Variants in CDK6 observed in about 807,000 individuals in gnomAD.
CDK6 encodes the protein cyclin dependent kinase 6, also known as cyclin-dependent kinase 6.
In CDK6, 6 loss-of-function variants were observed where a neutral mutation model predicts 37.1. The ratio of observed to expected loss-of-function variants is 0.16; its 90% confidence interval spans 0.09 to 0.32. The LOEUF (loss-of-function observed/expected upper bound fraction) is 0.32, where lower values mean the gene tolerates loss of function less well. Among genes scored for constraint, CDK6 ranks in the 10% least tolerant of loss-of-function variants. CDK6 has a pLI of 1.00. For missense variants in CDK6, 224 were observed against 418.9 expected, an observed-to-expected ratio of 0.53 and a Z score of 4.06; for synonymous variants, 160 against 161.3, an observed-to-expected ratio of 0.99 and a Z score of 0.06.
intron 3 of CDK6, among the ~76,000 whole-genome samples, chr7:92,732,874 C>A (rs1031765182): frequency 6.6e-6 from 1 of 152,218 alleles, no homozygotes; most frequent in Admixed American, 6.5e-5. Context: ...GAAACATCAT[C>A]TGTACACATA....
intron 2 of CDK6, 114 bp downstream of exon 2, chr7:92,832,977 A>G: frequency 1.4e-6 from 1 of 711,602 alleles, no homozygotes; most frequent in Non-Finnish European, 2.3e-6. Context: ...CAGGTCGCGC[A>G]GGACCTCCCC....
At chr7:92,664,752 C>T (rs745648744) in intron 5 of CDK6, among the ~76,000 whole-genome samples, 3 of 151,636 alleles carry the variant, frequency 2.0e-5, no homozygotes, top group African/African-American at 7.3e-5. Context: ...CCACAATCTT[C>T]GTATTCAAAG....
rs190217141 is a variant in CDK6, at chr7:92,664,128, G to A, written c.647+7298C>T. ...TGCACTCCAGCCTGGGTGACAGAGC[G>A]AGACTCTGCCTCAAAAAAATAAAAT... On this transcript the variant is annotated intron_variant, in intron 5 of 7. Coordinates refer to ENST00000424848, the MANE Select transcript of CDK6 (RefSeq NM_001145306.2). Among the ~76,000 whole-genome samples the A allele has an allele frequency of 1.1e-4, 17 of 151,736 alleles. No individual in the cohort carries two copies. In the South Asian group the frequency reaches 3.5e-3, roughly 32 times the overall value.
At chr7:92,683,928 A>T (rs1366563351) in intron 4 of CDK6, among the ~76,000 whole-genome samples, 1 of 152,236 alleles carries the variant, frequency 6.6e-6, no homozygotes, top group Non-Finnish European at 1.5e-5. Context: ...GAACTGTTAA[A>T]TACCAGAATG....
At chr7:92,672,160 T>TACAC (rs1554401677) in intron 4 of CDK6, among the ~76,000 whole-genome samples, 7 of 79,076 alleles carry the variant, frequency 8.9e-5, no homozygotes, top group South Asian at 4.6e-4. Flanking sequence ...TATATATATA[T>TACAC]ACACATACAC....
intron 3 of CDK6, among the ~76,000 whole-genome samples, chr7:92,737,596 T>A (rs751514980): frequency 6.6e-6 from 1 of 152,172 alleles, no homozygotes; most frequent in Non-Finnish European, 1.5e-5. Flanking sequence ...TTTTACTTAA[T>A]CAACATATAT....
Position 92,611,091 on chromosome 7 carries a change from T to G in CDK6, c.*4049A>C, listed in dbSNP as rs1004804750. ...CATAAAGAATATATCCTTCAAAATA[T>G]ATATAGCTTTGAAACTACCCTTTAA... On this transcript the variant is annotated 3_prime_UTR_variant, in exon 8 of 8. Transcript: ENST00000424848. 1 of 226,544 alleles carries G rather than the reference T, an allele frequency of 4.4e-6. No homozygotes were observed. Among genetic ancestry groups the G allele is most frequent in the African/African-American group, 2.2e-5 (1 of 44,952 alleles). The allele number at this position is 226,544 out of a possible 1,614,324, so 14.0% of individuals were successfully genotyped here.
chr7:92,684,136 G>A (rs927301971), intron 4 of CDK6, among the ~76,000 whole-genome samples: 7 of 152,122 alleles, frequency 4.6e-5, no homozygotes, highest in East Asian at 1.9e-4. Flanking sequence ...GAGTATCAAC[G>A]ACTCTATTTT....
At chr7:92,713,376 G>A (rs929536960) in intron 4 of CDK6, among the ~76,000 whole-genome samples, 1 of 152,010 alleles carries the variant, frequency 6.6e-6, no homozygotes, top group African/African-American at 2.4e-5. Flanking sequence ...AAGCCCATAT[G>A]CAAATTACTT....
At chr7:92,802,143 C>T (rs1800596190) in intron 2 of CDK6, among the ~76,000 whole-genome samples, 1 of 151,988 alleles carries the variant, frequency 6.6e-6, no homozygotes, top group Non-Finnish European at 1.5e-5. Context: ...ACTTACATTG[C>T]ACCCATCAAA....
rs182802421 is a variant in CDK6, at chr7:92,637,748, A to C, written c.648-14662T>G. Among the ~76,000 whole-genome samples the C allele has an allele frequency of 5.3e-4, 80 of 152,356 alleles. 1 individual carries two copies. Among genetic ancestry groups the C allele is most frequent in the African/African-American group, 1.8e-3 (76 of 41,578 alleles). On this transcript the variant is annotated intron_variant, in intron 5 of 7. Transcript: ENST00000424848. ...TTAGGTTAAGTCAAGATCAAATATC[A>C]AATTTAAAAACTCAACATCTACTAT...
At chr7:92,798,767 C>G (rs142401601) in intron 2 of CDK6, among the ~76,000 whole-genome samples, 1 of 152,198 alleles carries the variant, frequency 6.6e-6, no homozygotes, top group African/African-American at 2.4e-5. Context: ...CTCCTGCCCT[C>G]TCTTCCTAAC....
intron 2 of CDK6, among the ~76,000 whole-genome samples, chr7:92,821,136 C>G (rs960594000): frequency 6.6e-6 from 1 of 152,138 alleles, no homozygotes; most frequent in Admixed American, 6.6e-5. Context: ...AAGCCATGAG[C>G]CAACATGTAC....
At position 92,618,083 on chromosome 7, in the gene CDK6, C is replaced by G. The variant is rs2116483866; in HGVS notation, c.823G>C (p.Asp275His). 6.2e-7 allele frequency: 1 copy of G among 1,614,048 alleles called. No individual in the cohort carries two copies. The highest frequency in any genetic ancestry group is 1.1e-5 in the South Asian group (1 of 91,064). The change falls in exon 7 of 8, where the codon GAC (aspartate) becomes CAC (histidine). Residue 275 changes from aspartate (D) to histidine (H), a missense_variant. Coordinates refer to ENST00000424848, the MANE Select transcript of CDK6 (RefSeq NM_001145306.2). ...TCAGAAAAACTTACCAGAAGTAGGTCTTTGCCTAGTTCATCGATATCTGTT... is the reference window on the plus strand; with the variant it reads ...TCAGAAAAACTTACCAGAAGTAGGTGTTTGCCTAGTTCATCGATATCTGTT... ...FVTDIDELGK[D>H]LLLKCLTFNP... is the part of the protein sequence containing the mutation.
intron 4 of CDK6, among the ~76,000 whole-genome samples, chr7:92,672,184 GACACATACACACAC>G (rs1368156891): frequency 6.6e-4 from 29 of 44,134 alleles, no homozygotes; most frequent in South Asian, 1.1e-3. Context: ...CACACACACA[GACACATACACACAC>G]ACACACACAC....
intron 2 of CDK6, among the ~76,000 whole-genome samples, chr7:92,807,352 G>C (rs1225691518): frequency 6.6e-6 from 1 of 151,598 alleles, no homozygotes; most frequent in Non-Finnish European, 1.5e-5. Context: ...TATATCTCCA[G>C]ATTTCTGTAT....
At chr7:92,793,298 A>G (rs1048576807) in intron 2 of CDK6, among the ~76,000 whole-genome samples, 1 of 152,134 alleles carries the variant, frequency 6.6e-6, no homozygotes, top group Non-Finnish European at 1.5e-5. Context: ...GCAAAAAACA[A>G]TCTTGAAAAA....
chr7:92,806,964 T>C (rs1800741034), intron 2 of CDK6, among the ~76,000 whole-genome samples: 1 of 152,198 alleles, frequency 6.6e-6, no homozygotes, highest in African/African-American at 2.4e-5. Context: ...TTATTTAGGT[T>C]TTGGGCAAGA....
At chr7:92,788,923 C>T (rs1047393260) in intron 2 of CDK6, among the ~76,000 whole-genome samples, 4 of 152,030 alleles carry the variant, frequency 2.6e-5, no homozygotes, top group Non-Finnish European at 4.4e-5. Flanking sequence ...TTGAGACCTG[C>T]CTGGGTAACA....
Sources: allele counts gnomAD v4.1 joint callset (sites outside exome capture counted in the v4.1 genomes callset), GRCh38; gene constraint gnomAD v4.1.1; transcripts MANE v1.5; gene names NCBI Gene and HGNC (gene_info 2026-07-23, HGNC 2026-07-21).